DDX10: variants seen among roughly 807,000 people sequenced by gnomAD.
DDX10 encodes DEAD-box helicase 10.
A neutral mutation model predicts 104.3 loss-of-function variants in DDX10; 74 were observed. That is an observed-to-expected ratio of 0.71 (90% CI 0.59 to 0.86). The LOEUF is 0.86. DDX10 is among the 40% of genes least tolerant of loss of function. The probability of loss-of-function intolerance (pLI) is 0.00; values close to 1 mark genes in which losing one functional copy is unlikely to be tolerated. For synonymous variants in DDX10, 351 were observed against 353.4 expected (o/e 0.99, Z 0.08); for missense variants, 952 against 1,040.0 (o/e 0.92, Z 1.16).
Position 108,715,877 on chromosome 11 carries a change from AG to A in DDX10, c.1323-1del. On this transcript the variant is annotated splice_acceptor_variant, in intron 10 of 17. Transcript: ENST00000322536. LOFTEE classifies it high-confidence loss of function. ...TTTAACCTTTATCTTTTTGTTACAAAGAATCAATCCAGAAAAACTTATAGAT... is the reference window on the plus strand; with the variant it reads ...TTTAACCTTTATCTTTTTGTTACAAAAATCAATCCAGAAAAACTTATAGAT... 6.9e-7 allele frequency: 1 copy of A among 1,442,332 alleles called. No individual in the cohort carries two copies. Among genetic ancestry groups the A allele is most frequent in the Non-Finnish European group, 9.7e-7 (1 of 1,035,050 alleles). 89.3% of individuals were successfully genotyped at this position (1,442,332 alleles called of 1,614,324 possible).
At position 108,665,133 on chromosome 11, in the gene DDX10, G is replaced by A. The variant is rs2094208228; in HGVS notation, c.-21G>A. ...TGTCTCGTGTCTGGGGTTGATCCGAGCTGTCGCCGCCGCCGCCGCAATGGG... is the reference window on the plus strand; with the variant it reads ...TGTCTCGTGTCTGGGGTTGATCCGAACTGTCGCCGCCGCCGCCGCAATGGG... On this transcript the variant is annotated 5_prime_UTR_variant, in exon 1 of 18. Coordinates refer to ENST00000322536, the MANE Select transcript of DDX10 (RefSeq NM_004398.4). 2 of 1,596,500 alleles carry A rather than the reference G, an allele frequency of 1.3e-6. No individual in the cohort carries two copies. Among genetic ancestry groups the A allele is most frequent in the Admixed American group, 1.7e-5 (1 of 57,188 alleles).
intron 17 of DDX10, among the ~76,000 whole-genome samples, chr11:108,933,243 T>A (rs1350432923): frequency 1.3e-5 from 2 of 151,952 alleles, no homozygotes; most frequent in Non-Finnish European, 2.9e-5. Flanking sequence ...ACAGGATTAT[T>A]ACTGAAGGCA....
At chr11:108,809,863 T>G (rs1241618863) in intron 13 of DDX10, among the ~76,000 whole-genome samples, 1 of 152,224 alleles carries the variant, frequency 6.6e-6, no homozygotes, top group African/African-American at 2.4e-5. Context: ...TAGTCTCATC[T>G]TTGGTATAGC....
intron 1 of DDX10, among the ~76,000 whole-genome samples, chr11:108,665,883 C>T (rs79987056): frequency 6.6e-6 from 1 of 152,144 alleles, no homozygotes; most frequent in Non-Finnish European, 1.5e-5. Flanking sequence ...CATCTATGCT[C>T]CTTCCTGTGG....
intron 13 of DDX10, among the ~76,000 whole-genome samples, chr11:108,773,273 T>C (rs949395291): frequency 1.3e-5 from 2 of 152,220 alleles, no homozygotes; most frequent in Admixed American, 6.5e-5. Context: ...GTAAATCTTT[T>C]AAGTGACAGA....
chr11:108,773,106 C>T (rs918563370), intron 13 of DDX10, among the ~76,000 whole-genome samples: 4 of 152,130 alleles, frequency 2.6e-5, no homozygotes, highest in African/African-American at 9.7e-5. Flanking sequence ...TTCTCACTGC[C>T]AACTCAGATA....
intron 13 of DDX10, among the ~76,000 whole-genome samples, chr11:108,811,375 A>G (rs1158317822): frequency 1.3e-5 from 2 of 152,184 alleles, no homozygotes; most frequent in African/African-American, 4.8e-5. Context: ...AACTTGAACT[A>G]GACTTCTAAA....
At chr11:108,893,959 G>T (rs1196782455) in intron 16 of DDX10, among the ~76,000 whole-genome samples, 1 of 152,012 alleles carries the variant, frequency 6.6e-6, no homozygotes, top group Admixed American at 6.6e-5. Flanking sequence ...CTTTGATTTT[G>T]TCATGCTGAA....
intron 13 of DDX10, among the ~76,000 whole-genome samples, chr11:108,766,840 C>T (rs1591812791): frequency 1.3e-5 from 2 of 152,154 alleles, no homozygotes. Context: ...CATTACACAT[C>T]GTTGGTAGAG....
At chr11:108,841,282 T>C (rs1434059913) in intron 14 of DDX10, 33 bp from the exon 15 acceptor site, 3 of 1,598,216 alleles carry the variant, frequency 1.9e-6, no homozygotes, top group Non-Finnish European at 2.6e-6. Context: ...ATTCCCTACT[T>C]CCTGTTGACA....
At chr11:108,934,668 A>G (rs916806827) in intron 17 of DDX10, among the ~76,000 whole-genome samples, 6 of 152,350 alleles carry the variant, frequency 3.9e-5, no homozygotes, top group Admixed American at 6.5e-5. Flanking sequence ...TACATCTCAC[A>G]TGGAAGTTGC....
chr11:108,913,830 G>T (rs1863711469), intron 16 of DDX10, among the ~76,000 whole-genome samples: 1 of 152,162 alleles, frequency 6.6e-6, no homozygotes. Flanking sequence ...TCATTATGGT[G>T]ATACTATTTT....
chr11:108,706,112 C>T (rs1405909174), intron 9 of DDX10, among the ~76,000 whole-genome samples: 2 of 152,072 alleles, frequency 1.3e-5, no homozygotes, highest in East Asian at 3.9e-4. Flanking sequence ...GCTGAGATTA[C>T]AGGCACCTGC....
chr11:108,899,227 T>C (rs1285719494), intron 16 of DDX10, among the ~76,000 whole-genome samples: 1 of 152,142 alleles, frequency 6.6e-6, no homozygotes, highest in African/African-American at 2.4e-5. Context: ...ATTGGGTTTT[T>C]TTTTTCTCCT....
intron 13 of DDX10, among the ~76,000 whole-genome samples, chr11:108,729,676 G>A (rs1345712217): frequency 6.6e-6 from 1 of 151,876 alleles, no homozygotes; most frequent in African/African-American, 2.4e-5. Context: ...ATCAGGCCAG[G>A]CATAGTGGCC....
At chr11:108,888,843 T>G (rs1863337650) in intron 16 of DDX10, among the ~76,000 whole-genome samples, 1 of 152,146 alleles carries the variant, frequency 6.6e-6, no homozygotes, top group Non-Finnish European at 1.5e-5. Context: ...TTCATCTCCA[T>G]GGTTGAAATC....
At chr11:108,876,954 T>A (rs1863161225) in intron 16 of DDX10, among the ~76,000 whole-genome samples, 1 of 152,178 alleles carries the variant, frequency 6.6e-6, no homozygotes, top group African/African-American at 2.4e-5. Context: ...AAGGAGATTC[T>A]TGGTTTGATA....
intron 16 of DDX10, among the ~76,000 whole-genome samples, chr11:108,905,323 G>C (rs1267384121): frequency 7.1e-6 from 1 of 141,410 alleles, no homozygotes; most frequent in Non-Finnish European, 1.5e-5. Context: ...GGGGGGGGGG[G>C]GTTGAAATCC....
intron 16 of DDX10, among the ~76,000 whole-genome samples, chr11:108,912,839 A>G (rs1863697857): frequency 6.6e-6 from 1 of 152,158 alleles, no homozygotes; most frequent in Admixed American, 6.5e-5. Flanking sequence ...ATGAGTGACT[A>G]TTCCTCTACC....
Sources: allele counts gnomAD v4.1 joint callset (sites outside exome capture counted in the v4.1 genomes callset), GRCh38; gene constraint gnomAD v4.1.1; transcripts MANE v1.5; gene names NCBI Gene and HGNC (gene_info 2026-07-23, HGNC 2026-07-21).